Variants in DOCK3 observed in about 807,000 individuals in gnomAD.
The protein encoded by DOCK3 is dedicator of cytokinesis 3.
A neutral mutation model predicts 265.6 loss-of-function variants in DOCK3; 60 were observed. The ratio of observed to expected loss-of-function variants is 0.23; its 90% confidence interval spans 0.18 to 0.28. DOCK3 has a LOEUF of 0.28. Ranked by LOEUF, DOCK3 falls within the 10% of genes least tolerant of loss-of-function variation. The pLI is 1.00. For synonymous variants in DOCK3, 881 were observed against 938.0 expected (o/e 0.94, Z 1.11); for missense variants, 1,981 against 2,594.3 (o/e 0.76, Z 5.14).
chr3:50,816,450 C>T (rs9854588), intron 2 of DOCK3, among the ~76,000 whole-genome samples: 143,068 of 151,676 alleles, frequency 0.94, 68,091 homozygotes, highest in East Asian at 1. Flanking sequence ...GCCTCCTGAG[C>T]AGCTGGGATT....
intron 1 of DOCK3, among the ~76,000 whole-genome samples, chr3:50,688,458 C>T (rs2034991043): frequency 6.6e-6 from 1 of 152,022 alleles, no homozygotes; most frequent in Non-Finnish European, 1.5e-5. Flanking sequence ...TTGGTATTTT[C>T]ATTAATTAAT....
At chr3:51,207,485 G>GA (rs1187767362) in intron 12 of DOCK3, among the ~76,000 whole-genome samples, 2 of 152,152 alleles carry the variant, frequency 1.3e-5, no homozygotes, top group African/African-American at 4.8e-5. Context: ...TCTGTAGGCA[G>GA]AAAGTTATTC....
At chr3:51,321,925 A>G (rs2083756379) in intron 32 of DOCK3, among the ~76,000 whole-genome samples, 1 of 152,238 alleles carries the variant, frequency 6.6e-6, no homozygotes, top group African/African-American at 2.4e-5. Flanking sequence ...ATCCAGCAGA[A>G]CTTCCCCAAC....
chr3:50,978,801 C>T (rs1022419227), intron 5 of DOCK3, among the ~76,000 whole-genome samples: 7 of 152,178 alleles, frequency 4.6e-5, no homozygotes, highest in African/African-American at 1.7e-4. Context: ...AGTGAGTCTC[C>T]GTGGGCGTAG....
At chr3:50,679,500 AAAAC>A (rs141544909) in intron 1 of DOCK3, among the ~76,000 whole-genome samples, 4,061 of 152,216 alleles carry the variant, frequency 0.027, 182 homozygotes, top group African/African-American at 0.087. Flanking sequence ...AAAGCACTTA[AAAAC>A]AAACAAACAA....
chr3:51,275,313 G>C (rs1051085169), intron 25 of DOCK3, 107 bp downstream of exon 25: 1 of 1,530,338 alleles, frequency 6.5e-7, no homozygotes, highest in Non-Finnish European at 8.8e-7. Context: ...TTCAGTCACA[G>C]ATGCTTTCAT....
chr3:51,324,555 G>GA (rs1367216768), intron 32 of DOCK3, among the ~76,000 whole-genome samples: 4 of 152,122 alleles, frequency 2.6e-5, no homozygotes, highest in East Asian at 1.9e-4. Flanking sequence ...CACAGAATTA[G>GA]AAAAAAACTA....
At chr3:50,961,528 G>A (rs1369465991) in intron 5 of DOCK3, among the ~76,000 whole-genome samples, 1 of 152,130 alleles carries the variant, frequency 6.6e-6, no homozygotes, top group Admixed American at 6.6e-5. Context: ...AGTGGTTTAG[G>A]CAGAGGAAGA....
intron 12 of DOCK3, among the ~76,000 whole-genome samples, chr3:51,196,102 A>ATTTTT (rs34862284): frequency 7.0e-6 from 1 of 142,634 alleles, no homozygotes; most frequent in African/African-American, 2.6e-5. Context: ...CGCCCAGCTA[A>ATTTTT]TTTTTTTTTT....
intron 49 of DOCK3, among the ~76,000 whole-genome samples, chr3:51,367,923 A>AT (rs1197055013): frequency 6.6e-6 from 1 of 151,754 alleles, no homozygotes; most frequent in Non-Finnish European, 1.5e-5. Flanking sequence ...GGCCCTCAAC[A>AT]TTTTTTCCTT....
chr3:51,249,158 T>A (rs1426576040), intron 22 of DOCK3, among the ~76,000 whole-genome samples: 2 of 48,212 alleles, frequency 4.1e-5, no homozygotes, highest in South Asian at 9.2e-4. Flanking sequence ...GGTGGGGGGG[T>A]CAGCCCCCCG....
intron 1 of DOCK3, among the ~76,000 whole-genome samples, chr3:50,707,923 C>T (rs1260018802): frequency 1.3e-5 from 2 of 152,050 alleles, no homozygotes; most frequent in Non-Finnish European, 2.9e-5. Flanking sequence ...GTGGTGCAGT[C>T]TTGGCATGTT....
At chr3:51,289,628 T>C (rs890144852) in intron 27 of DOCK3, among the ~76,000 whole-genome samples, 8 of 152,028 alleles carry the variant, frequency 5.3e-5, no homozygotes, top group African/African-American at 1.9e-4. Context: ...AGTTCCTGAA[T>C]GGATTTTTTT....
chr3:51,203,926 A>G (rs1576402308), intron 12 of DOCK3, among the ~76,000 whole-genome samples: 2 of 152,352 alleles, frequency 1.3e-5, no homozygotes, highest in South Asian at 4.1e-4. Flanking sequence ...AGGATTCCCT[A>G]TTTAATAAAT....
At chr3:51,027,854 A>G (rs982085780) in intron 5 of DOCK3, among the ~76,000 whole-genome samples, 2 of 127,032 alleles carry the variant, frequency 1.6e-5, no homozygotes, top group Non-Finnish European at 3.3e-5. Context: ...TCTTGAATGC[A>G]GTAGAAAGTT....
intron 40 of DOCK3, among the ~76,000 whole-genome samples, chr3:51,352,803 G>C (rs1246518602): frequency 6.6e-6 from 1 of 152,196 alleles, no homozygotes; most frequent in Non-Finnish European, 1.5e-5. Flanking sequence ...GGCCAGATCT[G>C]TCTTTTGTGG....
Position 51,055,937 on chromosome 3 carries a change from C to G in DOCK3, c.316-8511C>G, listed in dbSNP as rs943168535. Among the ~76,000 whole-genome samples the G allele has an allele frequency of 2.0e-5, 3 of 152,048 alleles. No homozygotes were observed. The East Asian group carries it at 5.8e-4, about 29-fold the overall frequency. On this transcript the variant is annotated intron_variant, in intron 5 of 52. Transcript: ENST00000266037. ...CTCTATAATGGAGGATGTATTTGGG[C>G]TGGGGATAGACTGAGGATGATATCA...
In DOCK3 at chr3:50,934,012, T is replaced by G. The variant is rs775238503; in HGVS notation, c.250T>G (p.Ser84Ala). 5.0e-6 allele frequency: 8 copies of G among 1,610,170 alleles called. No individual in the cohort carries two copies. In the South Asian group the frequency reaches 8.9e-5, roughly 18 times the overall value. ...TGAAACTGTGGTTCCACTTGAAGAT[T>G]CTATTGTGACTGAGGTTACAGCAAC... ...QYETVVPLED[S>A]IVTEVTATLQ... The change falls in exon 5 of 53, where the codon TCT (serine) becomes GCT (alanine). Residue 84 changes from serine (S) to alanine (A), a missense_variant. By Grantham distance (99) the Ser-to-Ala change is moderately conservative. Transcript: ENST00000266037.
At chr3:50,788,877 C>T (rs2042323732) in intron 2 of DOCK3, among the ~76,000 whole-genome samples, 1 of 152,210 alleles carries the variant, frequency 6.6e-6, no homozygotes, top group African/African-American at 2.4e-5. Context: ...CGCCCCGTCC[C>T]CTTCCTTTGT....
Sources: gnomAD v4.1 joint callset for allele counts (sites outside exome capture counted in the v4.1 genomes callset) on GRCh38, gnomAD v4.1.1 for gene constraint, MANE v1.5 for transcripts, NCBI Gene and HGNC (gene_info 2026-07-23, HGNC 2026-07-21) for gene names.